PLEC: variants seen among roughly 807,000 people sequenced by gnomAD.
The protein encoded by PLEC is plectin.
In PLEC, 216 loss-of-function variants were observed where a neutral mutation model predicts 392.8. The ratio of observed to expected loss-of-function variants is 0.55; its 90% CI spans 0.49 to 0.62. The LOEUF is 0.62. PLEC is among the 20% of genes least tolerant of loss of function. The pLI, the probability that PLEC is intolerant of heterozygous loss-of-function variation, is 0.00. For missense variants in PLEC, 6,863 were observed against 6,563.4 expected (o/e 1.05, Z -1.58); for synonymous variants, 3,621 against 2,980.6 (o/e 1.21, Z -7.00).
At chr8:143,931,421 G>A (rs1554715090) in intron 19 of PLEC, 113 bp downstream of exon 19, 1 of 1,032,498 alleles carries the variant, frequency 9.7e-7, no homozygotes, top group Non-Finnish European at 1.5e-6. Flanking sequence ...CTCCCATGGT[G>A]CCTCCCAACT....
rs375335998 is a variant in PLEC, at chr8:143,917,439, G to A, written c.12382C>T (p.Arg4128Trp). The change falls in exon 32 of 32, where the codon CGG becomes TGG. Residue 4128 changes from arginine to tryptophan, a missense_variant. Transcript: ENST00000345136. ...ACGGAGGACTTGGAGGACGTCTTCC[G>A]CTCCCGCTTCTTCTCCTTCAGCGGC... ...LLPLKEKKRERKTSSKSSVRK... is the reference protein window; with the variant it reads ...LLPLKEKKREWKTSSKSSVRK... The A allele has an allele frequency of 2.6e-5, 42 of 1,613,230 alleles. No individual in the cohort carries two copies. The highest frequency in any genetic ancestry group is 4.0e-5 in the African/African-American group (3 of 74,896).
chr8:143,945,893 G>A (rs782409162), intron 1 of PLEC, among the ~76,000 whole-genome samples: 1 of 152,270 alleles, frequency 6.6e-6, no homozygotes, highest in African/African-American at 2.4e-5. Context: ...CACTCTGGGC[G>A]GCCAGGGGTC....
intron 31 of PLEC, 50 bp downstream of exon 31, chr8:143,922,454 A>C: frequency 6.2e-7 from 1 of 1,601,190 alleles, no homozygotes; most frequent in East Asian, 2.2e-5. Flanking sequence ...ATCACCCACC[A>C]AAGCAGATCC....
chr8:143,975,744 C>T (rs556866019), upstream of PLEC, among the ~76,000 whole-genome samples: 1 of 152,204 alleles, frequency 6.6e-6, no homozygotes, highest in African/African-American at 2.4e-5. This position sits in a 1 kb window ranked among gnomAD's most constrained non-coding sequence, Gnocchi z 9.9. Context: ...TAGTCACCCA[C>T]ACCCCACCCA....
intron 30 of PLEC, 33 bp from the exon 31 acceptor site, chr8:143,925,917 G>A: frequency 1.3e-6 from 2 of 1,533,566 alleles, no homozygotes; most frequent in East Asian, 2.4e-5. Flanking sequence ...AAGAGAAGCA[G>A]AGAGAGTGTG....
rs782408631 is a variant in PLEC at position 143,917,124 on chromosome 8, C to T, written c.12697G>A (p.Ala4233Thr). ...RAGTLSITEF[A>T]DMLSGNAGGF... ...CCGGCGTTGCCCGAGAGCATGTCGG[C>T]GAACTCGGTGATGGAGAGCGTGCCG... The change falls in exon 32 of 32, where the codon GCC becomes ACC. Residue 4233 changes from alanine to threonine, a missense_variant. Coordinates refer to ENST00000345136, the MANE Select transcript of PLEC (RefSeq NM_201384.3). 2 of 1,604,136 alleles carry T rather than the reference C, an allele frequency of 1.2e-6. No individual in the cohort carries two copies. The highest frequency in any genetic ancestry group is 1.1e-5 in the South Asian group (1 of 90,964).
intron 5 of PLEC, among the ~76,000 whole-genome samples, chr8:143,936,520 G>C (rs1191091737): frequency 6.6e-6 from 1 of 152,196 alleles, no homozygotes; most frequent in Non-Finnish European, 1.5e-5. Context: ...GGCATGCTCA[G>C]GCCAGGTTCT....
At position 143,925,008 on chromosome 8, in the gene PLEC, C is replaced by T; in HGVS notation, c.4921G>A (p.Ala1641Thr). Residue 1641 changes from alanine (A) to threonine (T), a missense_variant, in exon 31 of 32, where the codon GCG (alanine) becomes ACG (threonine). By Grantham distance (58) the Ala-to-Thr change is moderately conservative. Coordinates refer to ENST00000345136, the MANE Select transcript of PLEC (RefSeq NM_201384.3). ...LERWQLKANE[A>T]LRLRLQAEEV... ...TCCGCCTGCAGCCGCAGCCGTAGCG[C>T]CTCGTTGGCCTTGAGCTGCCAGCGC... 6.4e-7 allele frequency: 1 copy of T among 1,573,156 alleles called. No homozygotes were observed. Among genetic ancestry groups the T allele is most frequent in the Non-Finnish European group, 8.6e-7 (1 of 1,167,786 alleles).
Position 143,933,023 on chromosome 8 carries a change from C to T in PLEC, c.1507G>A (p.Val503Met). ...ACACTCTGCAGAGTCACCTGGGCCA[C>T]CTGGGTTGCAGGGGCCGCCACGCCT... The part of the protein sequence containing the change: ...KAGVAAPATQ[V>M]AQVTLQSVQR... The change falls in exon 14 of 32, where the codon GTG (valine) becomes ATG (methionine). Residue 503 changes from valine (V) to methionine (M), a missense_variant. Val to Met is a conservative substitution (Grantham distance 21). Transcript: ENST00000345136. 8 of 1,601,532 alleles carry T rather than the reference C, an allele frequency of 5.0e-6. No homozygotes were observed. Among genetic ancestry groups the T allele is most frequent in the Non-Finnish European group, 6.8e-6 (8 of 1,175,318 alleles).
At chr8:143,925,989 G>C in intron 30 of PLEC, 105 bp from the exon 31 acceptor site, 4 of 1,296,380 alleles carry the variant, frequency 3.1e-6, no homozygotes, top group Non-Finnish European at 4.3e-6. Context: ...CGCGGAGCAG[G>C]GGTCGGGGAA....
In PLEC at chr8:143,918,657, G is replaced by T; in HGVS notation, c.11164C>A (p.Leu3722Met). ...GTGGCTGCCTGTGCCTCCAGCAGCA[G>T]GCGGGCCACCTCGGCACTCAGCAGC... ...KGLLSAEVAR[L>M]LLEAQAATGF... The change falls in exon 32 of 32, where the codon CTG becomes ATG. Residue 3722 changes from leucine to methionine, a missense_variant. Leu to Met is a conservative substitution (Grantham distance 15, BLOSUM62 2). Transcript: ENST00000345136. 2 of 1,612,926 alleles carry T rather than the reference G, an allele frequency of 1.2e-6. No homozygotes were observed. Among genetic ancestry groups the T allele is most frequent in the Non-Finnish European group, 1.7e-6 (2 of 1,179,988 alleles).
At position 143,930,481 on chromosome 8, in the gene PLEC, C is replaced by T. The variant is rs1319068044; in HGVS notation, c.2360G>A (p.Arg787Gln). 10 of 1,593,710 alleles carry T rather than the reference C, an allele frequency of 6.3e-6. No individual in the cohort carries two copies. Among genetic ancestry groups the T allele is most frequent in the Middle Eastern group, 1.7e-4 (1 of 6,058 alleles). Reference protein sequence around the residue: ...YKGHLSGLAKRAKAVVQLKPR... With the variant: ...YKGHLSGLAKQAKAVVQLKPR... ...CTTCAGCTGCACGACGGCCTTGGCC[C>T]GCTTGGCCAGGCCTGAGAGGTGGCC... is the stretch of plus-strand genomic sequence containing the variant. Residue 787 changes from arginine to glutamine, a missense_variant, in exon 20 of 32, where the codon CGG becomes CAG. Transcript: ENST00000345136.
chr8:143,930,566 G>A, intron 19 of PLEC, 30 bp from the exon 20 acceptor site: 2 of 1,564,656 alleles, frequency 1.3e-6, no homozygotes, highest in Non-Finnish European at 8.7e-7. Flanking sequence ...TCCAGACGAG[G>A]GCCATGGAGA....
intron 1 of PLEC, among the ~76,000 whole-genome samples, chr8:143,948,119 C>T (rs1587345801): frequency 6.6e-6 from 1 of 152,258 alleles, no homozygotes; most frequent in Non-Finnish European, 1.5e-5. Context: ...GTGTTGCTGG[C>T]AGGCCCCCAT....
Position 143,925,194 on chromosome 8 carries a change from G to A in PLEC, c.4735C>T (p.Gln1579Ter). Residue 1579 changes from glutamine (Q) to a stop codon, truncating the protein, a stop_gained, in exon 31 of 32, where the codon CAG becomes TAG. Coordinates refer to ENST00000345136, the MANE Select transcript of PLEC (RefSeq NM_201384.3). LOFTEE classifies it high-confidence loss of function. ...TAQRSAEAEL[Q>*]SKRASFAEKT... ...TCGGCGAAGGAGGCGCGTTTGCTCT[G>A]CAGCTCCGCCTCTGCACTGCGCTGC... is the stretch of plus-strand genomic sequence containing the variant. 1 of 1,583,880 alleles carries A rather than the reference G, an allele frequency of 6.3e-7. No individual in the cohort carries two copies. The highest frequency in any genetic ancestry group is 8.5e-7 in the Non-Finnish European group (1 of 1,173,468).
At position 143,926,768 on chromosome 8, in the gene PLEC, G is replaced by A. The variant is rs182039608; in HGVS notation, c.4044+16C>T. On this transcript the variant is annotated intron_variant, in intron 30 of 31. Coordinates refer to ENST00000345136, the MANE Select transcript of PLEC (RefSeq NM_201384.3). ...AGATGGAACCCTCTGCCCAGCCTCC[G>A]CCCAACGGGCTGTACCTCCTCCTCC... 6.5e-4 allele frequency: 1,046 copies of A among 1,602,614 alleles called. 8 individuals are homozygous for A. The African/African-American group carries it at 0.012, about 18-fold the overall frequency.
chr8:143,921,073 C>T lies in PLEC; in HGVS notation c.8748G>A (p.Lys2916=). Reference sequence around the variant, plus strand: ...AAATGGTCACCGTCTTGCCCTGGAACTTGCCGAACGGCGCAGACACGGTGG... The same window carrying T: ...AAATGGTCACCGTCTTGCCCTGGAATTTGCCGAACGGCGCAGACACGGTGG... ...EKATVSAPFG[K]FQGKTVTIWE... Residue 2916 remains lysine, a synonymous_variant, in exon 32 of 32, where the codon AAG becomes AAA. Transcript: ENST00000345136. 6.2e-7 allele frequency: 1 copy of T among 1,611,996 alleles called. No individual in the cohort carries two copies. Among genetic ancestry groups the T allele is most frequent in the Non-Finnish European group, 8.5e-7 (1 of 1,180,030 alleles).
At chr8:143,941,471 C>T (rs1641998402), upstream of PLEC, among the ~76,000 whole-genome samples, 1 of 152,076 alleles carries the variant, frequency 6.6e-6, no homozygotes, top group Admixed American at 6.5e-5. Flanking sequence ...ACGGTGGGGA[C>T]TCCAGACACG....
upstream of PLEC, among the ~76,000 whole-genome samples, chr8:143,975,665 G>A (rs1235909131): frequency 4.7e-5 from 7 of 150,068 alleles, no homozygotes; most frequent in African/African-American, 1.7e-4. This position sits in a 1 kb window ranked among gnomAD's most constrained non-coding sequence, Gnocchi z 9.9. Flanking sequence ...TTACCCTCCA[G>A]TCCATCACCA....
Sources: gnomAD v4.1 joint callset for allele counts (sites outside exome capture counted in the v4.1 genomes callset) on GRCh38, gnomAD v4.1.1 for gene constraint, Gnocchi (gnomAD v3.1) non-coding constraint, MANE v1.5 for transcripts, NCBI Gene and HGNC (gene_info 2026-07-23, HGNC 2026-07-21) for gene names.